The following NPC1 variants were observed in gnomAD, a reference collection of about 807,000 sequenced individuals.
The protein encoded by NPC1 is NPC intracellular cholesterol transporter 1, also known as Niemann-Pick C1 protein.
NPC1 carries 85 observed loss-of-function variants against 140.4 expected under a neutral mutation model. The observed-to-expected ratio is 0.61, with a 90% CI of 0.51 to 0.72. The LOEUF (loss-of-function observed/expected upper bound fraction) is 0.72, where lower values mean the gene tolerates loss of function less well. Among genes scored for constraint, NPC1 ranks in the 30% least tolerant of loss-of-function variants. The pLI, the probability that NPC1 is intolerant of heterozygous loss-of-function variation, is 0.00. For missense variants in NPC1, 1,504 were observed against 1,623.8 expected (o/e 0.93, Z 1.27); for synonymous variants, 656 against 624.8 (o/e 1.05, Z -0.74).
At chr18:23,524,625 C>A, downstream of NPC1, 1 of 756,268 alleles carries the variant, frequency 1.3e-6, no homozygotes, top group Non-Finnish European at 2.2e-6. Flanking sequence ...TTTTTTTTCA[C>A]TTTATACGTT....
At chr18:23,585,004 G>A (rs193196407) in intron 1 of NPC1, among the ~76,000 whole-genome samples, 38 of 152,240 alleles carry the variant, frequency 2.5e-4, no homozygotes, top group African/African-American at 8.2e-4. Flanking sequence ...CTATGATGGC[G>A]ACACTGCCCC....
chr18:23,516,084 C>T (rs533167034), intron 3 of NPC1: 49 of 1,575,868 alleles, frequency 3.1e-5, no homozygotes, highest in East Asian at 4.5e-5. Flanking sequence ...ACGTTAGGGA[C>T]AGGTTCCTCT....
chr18:23,510,139 A>C (rs1021954463), intron 3 of NPC1, among the ~76,000 whole-genome samples: 1 of 151,932 alleles, frequency 6.6e-6, no homozygotes, highest in Non-Finnish European at 1.5e-5. Context: ...CCAGGCCAAC[A>C]TGATGAAATC....
At chr18:23,551,214 CTTTG>C (rs1206380353) in intron 10 of NPC1, among the ~76,000 whole-genome samples, 2 of 152,206 alleles carry the variant, frequency 1.3e-5, no homozygotes, top group Admixed American at 6.5e-5. Context: ...AATCCATCAA[CTTTG>C]TTTCTTTTTC....
At chr18:23,518,846 T>C, downstream of NPC1, 1 of 1,571,612 alleles carries the variant, frequency 6.4e-7, no homozygotes, top group Non-Finnish European at 8.8e-7. Flanking sequence ...CAAAGGAATT[T>C]TGAATGGCCA....
Position 23,560,402 on chromosome 18 carries a change from G to A in NPC1, c.710C>T (p.Pro237Leu). 1.9e-6 allele frequency: 3 copies of A among 1,614,194 alleles called. No homozygotes were observed. The highest frequency in any genetic ancestry group is 2.5e-6 in the Non-Finnish European group (3 of 1,180,042). ...CDESVDEVTAPCSCQDCSIVC... is the reference protein window; with the variant it reads ...CDESVDEVTALCSCQDCSIVC... The stretch of plus-strand genomic sequence containing the variant: ...AATAGAGCAGTCTTGGCAGCTACAT[G>A]GTGCTGTGACCTCATCCACAGACTC... The change falls in exon 6 of 25, where the codon CCA becomes CTA. Residue 237 changes from proline (P) to leucine (L), a missense_variant. Physicochemically the swap from Pro to Leu is moderately conservative, Grantham distance 98 (BLOSUM62 -3). Transcript: ENST00000269228.
chr18:23,568,397 CTA>C (rs1183995125), intron 4 of NPC1, among the ~76,000 whole-genome samples: 1 of 152,324 alleles, frequency 6.6e-6, no homozygotes, highest in East Asian at 1.9e-4. Context: ...ATCATTTCTG[CTA>C]TCTGTTAGAC....
chr18:23,533,236 T>C, intron 24 of NPC1, 119 bp downstream of exon 24: 1 of 1,126,988 alleles, frequency 8.9e-7, no homozygotes, highest in East Asian at 2.5e-5. Context: ...CAGTATCATT[T>C]ATCATTATCA....
intron 9 of NPC1, among the ~76,000 whole-genome samples, chr18:23,552,385 G>C (rs925080489): frequency 7.2e-5 from 11 of 152,208 alleles, no homozygotes; most frequent in African/African-American, 2.2e-4. Flanking sequence ...GGCCAGTCTG[G>C]GAAGAGTAAT....
Position 23,536,684 on chromosome 18 carries a change from T to TA in NPC1, c.3233dup (p.Phe1079IlefsTer18). The TA allele has an allele frequency of 6.2e-7, 1 of 1,613,980 alleles. No homozygotes were observed. The highest frequency in any genetic ancestry group is 8.5e-7 in the Non-Finnish European group (1 of 1,179,926). On this transcript the variant is annotated frameshift_variant, in exon 21 of 25. Transcript: ENST00000269228. LOFTEE classifies it high-confidence loss of function. ...AGGGCAGGCTTTACCTGTAAGGAAA[T>TA]ACTCGGTAGGCACTGCCGTTAATGC... is the stretch of plus-strand genomic sequence containing the variant.
chr18:23,519,473 G>A (rs1000197680), downstream of NPC1, among the ~76,000 whole-genome samples: 4 of 151,264 alleles, frequency 2.6e-5, no homozygotes, highest in African/African-American at 7.3e-5. Context: ...AGTGGAGATC[G>A]CGCCACTGCA....
At chr18:23,526,010 G>A (rs1362032430), downstream of NPC1, among the ~76,000 whole-genome samples, 1 of 152,148 alleles carries the variant, frequency 6.6e-6, no homozygotes, top group East Asian at 1.9e-4. Context: ...CATCTCGCTG[G>A]TGTTTTCCTG....
intron 3 of NPC1, among the ~76,000 whole-genome samples, chr18:23,571,229 CT>C (rs56197195): frequency 3.5e-4 from 24 of 69,418 alleles, no homozygotes; most frequent in East Asian, 9.0e-4. Context: ...CAAAAACTGA[CT>C]TTAAAAAAAA....
chr18:23,539,279 C>T (rs772420056), intron 19 of NPC1, 76 bp downstream of exon 19: 54 of 975,792 alleles, frequency 5.5e-5, no homozygotes, highest in African/African-American at 2.9e-4. Flanking sequence ...AACTGAGGCA[C>T]GATGCAAATG....
At chr18:23,551,765 G>C in intron 9 of NPC1, 38 bp from the exon 10 acceptor site, 1 of 1,374,042 alleles carries the variant, frequency 7.3e-7, no homozygotes, top group South Asian at 1.2e-5. Context: ...CAGTTAGAAG[G>C]GCCTCAAGAC....
intron 17 of NPC1, 126 bp downstream of exon 17, chr18:23,540,322 G>A (rs2058695405): frequency 1.4e-6 from 1 of 726,984 alleles, no homozygotes; most frequent in East Asian, 2.7e-5. Context: ...CCTAACCCTG[G>A]AAACCCTGTC....
downstream of NPC1, among the ~76,000 whole-genome samples, chr18:23,517,774 G>A (rs192170738): frequency 1.9e-3 from 283 of 152,050 alleles, 1 homozygote; most frequent in Middle Eastern, 3.4e-3. Flanking sequence ...CTGGAGTGCA[G>A]TGTTACAATC....
rs375981319 is a variant in NPC1 at position 23,524,099 on chromosome 18, A to G, written c.164-1193T>C. The G allele has an allele frequency of 3.7e-6, 6 of 1,613,396 alleles. No individual in the cohort carries two copies. In the African/African-American group the frequency reaches 5.3e-5, roughly 14 times the overall value. Reference sequence around the variant, plus strand: ...AGCATTTGCAGCATTTTCTGACTGCATCGTTGCACTTATGTTTTCTCAATT... The same window carrying G: ...AGCATTTGCAGCATTTTCTGACTGCGTCGTTGCACTTATGTTTTCTCAATT... On this transcript the variant is annotated intron_variant, in intron 1 of 1. Coordinates refer to the NPC1 transcript ENST00000590723.
chr18:23,544,580 C>T lies in NPC1; in HGVS notation c.1948-54G>A, dbSNP rs182786593. The T allele has an allele frequency of 7.2e-5, 110 of 1,534,474 alleles. No homozygotes were observed. In the African/African-American group the frequency reaches 1.3e-3, roughly 18 times the overall value. ...ATTAGTTACAGGGTTGTCTGTCCCA[C>T]TTGTTACTAAAAGGTCCTCCTTTTT... On this transcript the variant is annotated intron_variant, in intron 12 of 24. Coordinates refer to ENST00000269228, the MANE Select transcript of NPC1 (RefSeq NM_000271.5).
Sources: allele counts gnomAD v4.1 joint callset (sites outside exome capture counted in the v4.1 genomes callset), GRCh38; gene constraint gnomAD v4.1.1; transcripts MANE v1.5; gene names NCBI Gene and HGNC (gene_info 2026-07-23, HGNC 2026-07-21).